FAM220A: variants seen among roughly 807,000 people sequenced by gnomAD.
FAM220A encodes the protein protein FAM220A.
For synonymous variants in FAM220A, 141 were observed against 130.7 expected, an observed-to-expected ratio of 1.08 and a Z score of -0.54; for missense variants, 392 against 321.6, an observed-to-expected ratio of 1.22 and a Z score of -1.68.
At chr7:6,347,614 C>T (rs1022588956) in intron 1 of FAM220A, among the ~76,000 whole-genome samples, 21 of 152,092 alleles carry the variant, frequency 1.4e-4, no homozygotes, top group African/African-American at 4.8e-4. Flanking sequence ...GGTTCCAGGC[C>T]TCTGAGACGT....
At chr7:6,332,862 G>A (rs537850728) in intron 1 of FAM220A, among the ~76,000 whole-genome samples, 1 of 152,084 alleles carries the variant, frequency 6.6e-6, no homozygotes, top group Non-Finnish European at 1.5e-5. Flanking sequence ...ACCGCATTAA[G>A]ATTTGTTATA....
chr7:6,338,163 T>C (rs1208133435), intron 1 of FAM220A, among the ~76,000 whole-genome samples: 1 of 152,182 alleles, frequency 6.6e-6, no homozygotes, highest in Non-Finnish European at 1.5e-5. Context: ...AACTAACCTC[T>C]TCTGGTATTA....
At position 6,330,361 on chromosome 7, in the gene FAM220A, G is replaced by A. The variant is rs374341740; in HGVS notation, c.*14C>T. ...CTCTTAAAATTAATCTATTGGTATT[G>A]TTCTGCTTGTACCTTAACTATGGCA... is the stretch of plus-strand genomic sequence containing the variant. On this transcript the variant is annotated 3_prime_UTR_variant, in exon 2 of 2. Coordinates refer to ENST00000313324, the MANE Select transcript of FAM220A (RefSeq NM_001037163.2). 41 of 1,597,846 alleles carry A rather than the reference G, an allele frequency of 2.6e-5. No homozygotes were observed. In the African/African-American group the frequency reaches 5.4e-4, roughly 21 times the overall value.
rs1781618853 is a variant in FAM220A, at chr7:6,330,905, G to A, written c.250C>T (p.Pro84Ser). Residue 84 changes from proline (P) to serine (S), a missense_variant, in exon 2 of 2, where the codon CCA becomes TCA. Physicochemically the swap from Pro to Ser is moderately conservative, Grantham distance 74. Coordinates refer to ENST00000313324, the MANE Select transcript of FAM220A (RefSeq NM_001037163.2). ...CTTCTTACTGATTCTCTCACATATG[G>A]AAGCACTGGGCCGCCACTGTGAAGC... ...LWLHSGGPVL[P>S]YVRESVRRNP... 6.8e-6 allele frequency: 11 copies of A among 1,614,202 alleles called. No individual in the cohort carries two copies. Among genetic ancestry groups the A allele is most frequent in the Non-Finnish European group, 9.3e-6 (11 of 1,180,044 alleles).
chr7:6,338,975 G>T (rs923704053), intron 1 of FAM220A, among the ~76,000 whole-genome samples: 2 of 152,142 alleles, frequency 1.3e-5, no homozygotes, highest in African/African-American at 4.8e-5. Flanking sequence ...AGGTGTGAAC[G>T]CTAGCACACC....
chr7:6,343,775 G>A (rs1781907848), intron 1 of FAM220A, among the ~76,000 whole-genome samples: 1 of 151,962 alleles, frequency 6.6e-6, no homozygotes. Flanking sequence ...ATGCCTCACT[G>A]CCCTACAAAC....
chr7:6,345,203 G>A (rs747210459), intron 1 of FAM220A, among the ~76,000 whole-genome samples: 8 of 151,066 alleles, frequency 5.3e-5, no homozygotes, highest in Non-Finnish European at 7.4e-5. Context: ...CTGCATCTTC[G>A]GCCTCCTTGG....
chr7:6,337,115 AGGCT>A lies in FAM220A; in HGVS notation c.-81-5884_-81-5881del, dbSNP rs746004616. Among the ~76,000 whole-genome samples the A allele has an allele frequency of 1.3e-4, 19 of 149,884 alleles. No individual in the cohort carries two copies. The East Asian group carries it at 1.4e-3, about 11-fold the overall frequency. ...ACAAGAGTCTCTCTCTGTCTCGCCC[AGGCT>A]GGAGTGCAGTGGCGCAATCTCAGCT... On this transcript the variant is annotated intron_variant, in intron 1 of 1. Coordinates refer to ENST00000313324, the MANE Select transcript of FAM220A (RefSeq NM_001037163.2).
chr7:6,345,329 G>A (rs574931215), intron 1 of FAM220A, among the ~76,000 whole-genome samples: 15 of 151,822 alleles, frequency 9.9e-5, no homozygotes, highest in African/African-American at 3.6e-4. Context: ...TGCCCAGGCT[G>A]GTCTGGAACT....
intron 1 of FAM220A, among the ~76,000 whole-genome samples, chr7:6,331,905 T>A (rs1168988575): frequency 2.0e-5 from 3 of 152,024 alleles, no homozygotes; most frequent in Non-Finnish European, 4.4e-5. Context: ...CATGCCCAGC[T>A]AATTCATTTT....
rs963514637 is a variant in FAM220A at position 6,348,899 on chromosome 7, A to G, written c.-408T>C. The G allele has an allele frequency of 1.5e-4, 56 of 385,818 alleles. No homozygotes were observed. The highest frequency in any genetic ancestry group is 2.3e-4 in the Non-Finnish European group (50 of 219,322). 23.9% of individuals were successfully genotyped at this position (385,818 alleles called of 1,614,324 possible). ...GGGCGGGCGGGCCGCAGTGGAGCGG[A>G]GTCCGCACGTCACGCTCGGAGAAGT... On this transcript the variant is annotated 5_prime_UTR_variant, in exon 1 of 2. Transcript: ENST00000313324.
intron 1 of FAM220A, among the ~76,000 whole-genome samples, chr7:6,341,446 A>T (rs1490210199): frequency 2.1e-5 from 3 of 140,748 alleles, no homozygotes; most frequent in African/African-American, 3.1e-5. Flanking sequence ...TGTCTCAAAA[A>T]AATAATAATA....
chr7:6,348,569 C>G lies in FAM220A; in HGVS notation c.-82+4G>C, dbSNP rs1782000036. 2 of 432,954 alleles carry G rather than the reference C, an allele frequency of 4.6e-6. No homozygotes were observed. Among genetic ancestry groups the G allele is most frequent in the Non-Finnish European group, 8.3e-6 (2 of 242,110 alleles). 26.8% of individuals were successfully genotyped at this position (432,954 alleles called of 1,614,324 possible). A position where few individuals can be genotyped will look rare whatever the true frequency, so the allele number is the denominator to read the frequency against. On this transcript the variant is annotated splice_donor_region_variant and intron_variant, in intron 1 of 1. Coordinates refer to ENST00000313324, the MANE Select transcript of FAM220A (RefSeq NM_001037163.2). ...CGGGGGCCGGGCAGGCACGGCTCAC[C>G]CACCTGCAGGCGGACGTTGAGCATC...
At chr7:6,337,587 AT>A (rs1008396917) in intron 1 of FAM220A, among the ~76,000 whole-genome samples, 23 of 138,146 alleles carry the variant, frequency 1.7e-4, no homozygotes, top group South Asian at 2.5e-4. Flanking sequence ...CAGTACCATT[AT>A]TTTTTTTCAT....
At chr7:6,337,202 G>C (rs1781765261) in intron 1 of FAM220A, among the ~76,000 whole-genome samples, 2 of 152,026 alleles carry the variant, frequency 1.3e-5, no homozygotes, top group Non-Finnish European at 2.9e-5. Flanking sequence ...CTCCCAAGTA[G>C]CTGAGACTAC....
Position 6,330,069 on chromosome 7 carries a change from T to C in FAM220A, c.*306A>G, listed in dbSNP as rs920359647. 8.9e-6 allele frequency: 3 copies of C among 338,234 alleles called. No homozygotes were observed. Among genetic ancestry groups the C allele is most frequent in the Non-Finnish European group, 1.7e-5 (3 of 176,738 alleles). 21.0% of individuals were successfully genotyped at this position (338,234 alleles called of 1,614,324 possible). ...GGACAGTAGCCCTTTAGAATGGATG[T>C]TGAAGACAGAACTTCATGGTAAATC... On this transcript the variant is annotated 3_prime_UTR_variant, in exon 2 of 2. Transcript: ENST00000313324.
intron 1 of FAM220A, among the ~76,000 whole-genome samples, chr7:6,339,471 G>T (rs1314618271): frequency 6.6e-6 from 1 of 151,790 alleles, no homozygotes; most frequent in Admixed American, 6.6e-5. Flanking sequence ...TATAAAACCA[G>T]CTGTGTACCC....
chr7:6,333,847 T>G (rs1171550929), intron 1 of FAM220A, among the ~76,000 whole-genome samples: 2 of 147,606 alleles, frequency 1.4e-5, no homozygotes, highest in Admixed American at 6.8e-5. Flanking sequence ...CCTCTTTTTT[T>G]TTTTTTTTTT....
rs1781599761 is a variant in FAM220A, at chr7:6,330,197, A to G, written c.*178T>C. 8 of 640,590 alleles carry G rather than the reference A, an allele frequency of 1.2e-5. 1 individual carries two copies. Among genetic ancestry groups the G allele is most frequent in the Non-Finnish European group, 2.2e-5 (8 of 369,440 alleles). The allele number at this position is 640,590 out of a possible 1,614,324, so 39.7% of individuals were successfully genotyped here. A position where few individuals can be genotyped will look rare whatever the true frequency, so the allele number is the denominator to read the frequency against. The stretch of plus-strand genomic sequence containing the variant: ...AGCACAATTTAACACATGCCAAAAA[A>G]GTTCCTTCCGCATCAACTGGCTTTG... On this transcript the variant is annotated 3_prime_UTR_variant, in exon 2 of 2. Transcript: ENST00000313324.
Sources: allele counts gnomAD v4.1 joint callset (sites outside exome capture counted in the v4.1 genomes callset), GRCh38; gene constraint gnomAD v4.1.1; transcripts MANE v1.5; gene names NCBI Gene and HGNC (gene_info 2026-07-23, HGNC 2026-07-21).